ACOX2: variants seen among roughly 807,000 people sequenced by gnomAD.
ACOX2 encodes acyl-CoA oxidase 2, also known as peroxisomal acyl-coenzyme A oxidase 2.
In ACOX2, 59 loss-of-function variants were observed where a neutral mutation model predicts 77.5. The observed-to-expected ratio is 0.76, with a 90% CI of 0.62 to 0.95. The LOEUF is 0.95. Among genes scored for constraint, ACOX2 ranks in the 40% least tolerant of loss-of-function variants. The probability of loss-of-function intolerance (pLI) is 0.00; values close to 1 mark genes in which losing one functional copy is unlikely to be tolerated. For synonymous variants in ACOX2, 317 were observed against 340.1 expected, an observed-to-expected ratio of 0.93 and a Z score of 0.75; for missense variants, 837 against 880.4, an observed-to-expected ratio of 0.95 and a Z score of 0.62.
rs772189364 is a variant in ACOX2, at chr3:58,534,176, C to T, written c.324-31G>A. On this transcript the variant is annotated intron_variant, in intron 3 of 14. Coordinates refer to ENST00000302819, the MANE Select transcript of ACOX2 (RefSeq NM_003500.4). This position sits in a 1 kb window ranked among gnomAD's most constrained non-coding sequence, Gnocchi z 4.8. ...GGGGAGAGATGCTGTAGTTGAGTAG[C>T]TTATTGGAGACAGGGGCCCAGGTAC... 12 of 1,612,068 alleles carry T rather than the reference C, an allele frequency of 7.4e-6. No individual in the cohort carries two copies. Among genetic ancestry groups the T allele is most frequent in the Non-Finnish European group, 1.0e-5 (12 of 1,179,038 alleles).
At chr3:58,536,305 C>CT (rs1166655784) in intron 1 of ACOX2, among the ~76,000 whole-genome samples, 4 of 152,168 alleles carry the variant, frequency 2.6e-5, no homozygotes, top group Non-Finnish European at 5.9e-5. Context: ...CATTTCCTAG[C>CT]TTGCAGCAGG....
In ACOX2 at chr3:58,526,285, G is replaced by T. The variant is rs1408935823; in HGVS notation, c.1346+181C>A. On this transcript the variant is annotated intron_variant, in intron 10 of 14. Coordinates refer to ENST00000302819, the MANE Select transcript of ACOX2 (RefSeq NM_003500.4). This position sits in a 1 kb window ranked among gnomAD's most constrained non-coding sequence, Gnocchi z 4.3. ...GGAGGGGTCTGAGGCTGTGGTGGAG[G>T]TGAGAGAGGATGGTGGCCTAGAAGT... Among the ~76,000 whole-genome samples, 1 of 152,240 alleles carries T rather than the reference G, an allele frequency of 6.6e-6. No homozygotes were observed. Among genetic ancestry groups the T allele is most frequent in the African/African-American group, 2.4e-5 (1 of 41,460 alleles).
intron 13 of ACOX2, among the ~76,000 whole-genome samples, chr3:58,516,359 A>G (rs1024530241): frequency 2.0e-5 from 3 of 152,236 alleles, no homozygotes; most frequent in Admixed American, 1.3e-4. Flanking sequence ...CCCAGGGGCC[A>G]GACCTGAGAT....
At position 58,515,100 on chromosome 3, in the gene ACOX2, G is replaced by A. The variant is rs768012662; in HGVS notation, c.1850+2106C>T. ...GTGCAGTGGTACGATCTTGGCTCACGGCAGCCTCTGCCTCCCGGGTTCAAG... is the reference window on the plus strand; with the variant it reads ...GTGCAGTGGTACGATCTTGGCTCACAGCAGCCTCTGCCTCCCGGGTTCAAG... On this transcript the variant is annotated intron_variant, in intron 13 of 14. Coordinates refer to ENST00000302819, the MANE Select transcript of ACOX2 (RefSeq NM_003500.4). This position sits in a 1 kb window ranked among gnomAD's most constrained non-coding sequence, Gnocchi z 4.0. 2.6e-5 allele frequency among the ~76,000 whole-genome samples: 4 copies of A among 151,830 alleles called. No individual in the cohort carries two copies. The highest frequency in any genetic ancestry group is 2.1e-4 in the South Asian group (1 of 4,808).
At position 58,535,321 on chromosome 3, in the gene ACOX2, A is replaced by C; in HGVS notation, c.-91-124T>G. Reference sequence around the variant, plus strand: ...CTCCCCCTGTGGACACTGGCTGTGGACCAGGCACTGTGTGCATGGTAGGCA... The same window carrying C: ...CTCCCCCTGTGGACACTGGCTGTGGCCCAGGCACTGTGTGCATGGTAGGCA... On this transcript the variant is annotated intron_variant, in intron 1 of 14. Coordinates refer to ENST00000302819, the MANE Select transcript of ACOX2 (RefSeq NM_003500.4). This position sits in a 1 kb window ranked among gnomAD's most constrained non-coding sequence, Gnocchi z 4.8. 2 of 603,956 alleles carry C rather than the reference A, an allele frequency of 3.3e-6. No homozygotes were observed. Among genetic ancestry groups the C allele is most frequent in the South Asian group, 4.0e-5 (2 of 50,128 alleles). 37.4% of individuals were successfully genotyped at this position (603,956 alleles called of 1,614,324 possible).
intron 7 of ACOX2, 40 bp from the exon 8 acceptor site, chr3:58,530,678 C>T (rs974305030): frequency 5.0e-6 from 8 of 1,591,970 alleles, no homozygotes; most frequent in Non-Finnish European, 6.9e-6. Flanking sequence ...TGGGCCAAGG[C>T]TTCCCAGGAT....
intron 7 of ACOX2, 22 bp from the exon 8 acceptor site, chr3:58,530,660 A>G: frequency 6.2e-7 from 1 of 1,608,470 alleles, no homozygotes; most frequent in Non-Finnish European, 8.5e-7. Flanking sequence ...AAGGACGGGC[A>G]CAAGTTCTGG....
Position 58,522,923 on chromosome 3 carries a change from C to T in ACOX2, c.1527-322G>A, listed in dbSNP as rs1306664824. 4 of 294,598 alleles carry T rather than the reference C, an allele frequency of 1.4e-5. No individual in the cohort carries two copies. The highest frequency in any genetic ancestry group is 4.3e-5 in the African/African-American group (2 of 46,562). The allele number at this position is 294,598 out of a possible 1,614,324, so 18.2% of individuals were successfully genotyped here. A position where few individuals can be genotyped will look rare whatever the true frequency, so the allele number is the denominator to read the frequency against. On this transcript the variant is annotated intron_variant, in intron 11 of 14. Coordinates refer to ENST00000302819, the MANE Select transcript of ACOX2 (RefSeq NM_003500.4). This position sits in a 1 kb window ranked among gnomAD's most constrained non-coding sequence, Gnocchi z 4.3. ...CAGGGCCACAGGCCAGGAGCTGTCCCCTATTTCTAATGCAGATTCCAGCCT... is the reference window on the plus strand; with the variant it reads ...CAGGGCCACAGGCCAGGAGCTGTCCTCTATTTCTAATGCAGATTCCAGCCT...
Position 58,528,115 on chromosome 3 carries a change from AC to A in ACOX2, c.1155+678del, listed in dbSNP as rs1386937382. Among the ~76,000 whole-genome samples the A allele has an allele frequency of 6.6e-6, 1 of 152,134 alleles. No homozygotes were observed. Among genetic ancestry groups the A allele is most frequent in the Non-Finnish European group, 1.5e-5 (1 of 68,028 alleles). The stretch of plus-strand genomic sequence containing the variant: ...TGCTTTCAGATTTTGGTTCTTGAAG[AC>A]CCTGCCTATCTTTGGAGCTTTCAAG... On this transcript the variant is annotated intron_variant, in intron 9 of 14. Coordinates refer to ENST00000302819, the MANE Select transcript of ACOX2 (RefSeq NM_003500.4). The surrounding 1 kb of genome is among the most constrained non-coding windows in gnomAD (Gnocchi z 5.6).
Position 58,511,934 on chromosome 3 carries a change from T to C in ACOX2, c.1851-2909A>G, listed in dbSNP as rs1479467189. On this transcript the variant is annotated intron_variant, in intron 13 of 14. Transcript: ENST00000302819. ...AGCTCTTGCCACGGTTACTTCCTTA[T>C]TATCTTGCGAGGGTCTCAAGACTGA... Among the ~76,000 whole-genome samples the C allele has an allele frequency of 2.6e-5, 4 of 152,222 alleles. No individual in the cohort carries two copies. In the East Asian group the frequency reaches 7.7e-4, roughly 29 times the overall value.
In ACOX2 at chr3:58,531,927, G is replaced by A. The variant is rs2108010126; in HGVS notation, c.584-115C>T. 1.4e-6 allele frequency: 2 copies of A among 1,398,302 alleles called. No individual in the cohort carries two copies. Among genetic ancestry groups the A allele is most frequent in the East Asian group, 2.6e-5 (1 of 39,084 alleles). The allele number at this position is 1,398,302 out of a possible 1,614,324, so 86.6% of individuals were successfully genotyped here. On this transcript the variant is annotated intron_variant, in intron 5 of 14. Transcript: ENST00000302819. This position sits in a 1 kb window ranked among gnomAD's most constrained non-coding sequence, Gnocchi z 5.8. ...ATGGGTACCTCTGGGGCCCTGAAAA[G>A]TCACTGATCAAAGAGAGAGGGGATT...
In ACOX2 at chr3:58,524,235, G is replaced by T. The variant is rs1308917569; in HGVS notation, c.1526+191C>A. ...TGACCAGGATGGGGAAGTGACGGGG[G>T]TCCATGGCTGATGGGGGGGACATCC... On this transcript the variant is annotated intron_variant, in intron 11 of 14. Transcript: ENST00000302819. The surrounding 1 kb of genome is among the most constrained non-coding windows in gnomAD (Gnocchi z 5.5). Among the ~76,000 whole-genome samples, 2 of 152,214 alleles carry T rather than the reference G, an allele frequency of 1.3e-5. No individual in the cohort carries two copies. Among genetic ancestry groups the T allele is most frequent in the Non-Finnish European group, 2.9e-5 (2 of 68,044 alleles).
At chr3:58,527,522 T>A (rs1264184885) in intron 9 of ACOX2, among the ~76,000 whole-genome samples, 1 of 113,880 alleles carries the variant, frequency 8.8e-6, no homozygotes, top group East Asian at 2.5e-4. Context: ...GGTGACAGAG[T>A]GAGACTGTCT....
rs569971615 is a variant in ACOX2 at position 58,526,645 on chromosome 3, C to G, written c.1167G>C (p.Leu389=). The G allele has an allele frequency of 1.2e-6, 2 of 1,613,888 alleles. No homozygotes were observed. The highest frequency in any genetic ancestry group is 1.7e-5 in the Admixed American group (1 of 60,016). The change falls in exon 10 of 15, where the codon CTG becomes CTC. Residue 389 remains leucine (L), a synonymous_variant. Coordinates refer to ENST00000302819, the MANE Select transcript of ACOX2 (RefSeq NM_003500.4). This position sits in a 1 kb window ranked among gnomAD's most constrained non-coding sequence, Gnocchi z 4.3. ...ACATCATGGCCTTCATGCCCGTGCTCAGTGCGTGGAGCTGTGAGAACATGG... is the reference window on the plus strand; with the variant it reads ...ACATCATGGCCTTCATGCCCGTGCTGAGTGCGTGGAGCTGTGAGAACATGG... The part of the protein sequence containing the change: ...DFSFLPELHA[L]STGMKAMMSE...
In ACOX2 at chr3:58,505,306, C is replaced by T; in HGVS notation, c.1984-20G>A. 1 of 1,597,010 alleles carries T rather than the reference C, an allele frequency of 6.3e-7. No homozygotes were observed. The highest frequency in any genetic ancestry group is 1.1e-5 in the South Asian group (1 of 89,714). On this transcript the variant is annotated intron_variant, in intron 14 of 14. Coordinates refer to ENST00000302819, the MANE Select transcript of ACOX2 (RefSeq NM_003500.4). The surrounding 1 kb of genome is among the most constrained non-coding windows in gnomAD (Gnocchi z 4.4). ...GTTCTCCTGTTTGTAGAAAGAAACG[C>T]ATTATTAACACAGTACATTTCTGCC...
Position 58,534,687 on chromosome 3 carries a change from G to C in ACOX2, c.161-165C>G. 1 of 1,498,182 alleles carries C rather than the reference G, an allele frequency of 6.7e-7. No homozygotes were observed. Among genetic ancestry groups the C allele is most frequent in the Non-Finnish European group, 9.0e-7 (1 of 1,108,286 alleles). The allele number at this position is 1,498,182 out of a possible 1,614,324, so 92.8% of individuals were successfully genotyped here. Reference sequence around the variant, plus strand: ...CAAGGTGGGAAAGTGAATTGCCCAAGGTTACAAAGCTATGCAGTGGCAGAA... The same window carrying C: ...CAAGGTGGGAAAGTGAATTGCCCAACGTTACAAAGCTATGCAGTGGCAGAA... On this transcript the variant is annotated intron_variant, in intron 2 of 14. Transcript: ENST00000302819. The surrounding 1 kb of genome is among the most constrained non-coding windows in gnomAD (Gnocchi z 4.8).
rs752284595 is a variant in ACOX2 at position 58,526,644 on chromosome 3, T to G, written c.1168A>C (p.Ser390Arg). 1 of 1,613,986 alleles carries G rather than the reference T, an allele frequency of 6.2e-7. No individual in the cohort carries two copies. Among genetic ancestry groups the G allele is most frequent in the Admixed American group, 1.7e-5 (1 of 60,018 alleles). Reference protein sequence around the residue: ...FSFLPELHALSTGMKAMMSEF... With the variant: ...FSFLPELHALRTGMKAMMSEF... ...GACATCATGGCCTTCATGCCCGTGC[T>G]CAGTGCGTGGAGCTGTGAGAACATG... Residue 390 changes from serine to arginine, a missense_variant, in exon 10 of 15, where the codon AGC (serine) becomes CGC (arginine). Physicochemically the swap from Ser to Arg is moderately radical, Grantham distance 110 (BLOSUM62 -1). Transcript: ENST00000302819. This position sits in a 1 kb window ranked among gnomAD's most constrained non-coding sequence, Gnocchi z 4.3.
rs2063452683 is a variant in ACOX2 at position 58,533,043 on chromosome 3, G to A, written c.583+402C>T. 6.6e-6 allele frequency among the ~76,000 whole-genome samples: 1 copy of A among 152,164 alleles called. No individual in the cohort carries two copies. Among genetic ancestry groups the A allele is most frequent in the African/African-American group, 2.4e-5 (1 of 41,426 alleles). On this transcript the variant is annotated intron_variant, in intron 5 of 14. Coordinates refer to ENST00000302819, the MANE Select transcript of ACOX2 (RefSeq NM_003500.4). This position sits in a 1 kb window ranked among gnomAD's most constrained non-coding sequence, Gnocchi z 5.6. The stretch of plus-strand genomic sequence containing the variant: ...GGCAGGCAGGCGTATTCTTTCCACT[G>A]TGTCATCACAGGGCCTGTGCTCTGG...
rs779343821 is a variant in ACOX2, at chr3:58,517,231, A to C, written c.1825T>G (p.Tyr609Asp). 1.5e-5 allele frequency: 24 copies of C among 1,613,932 alleles called. No homozygotes were observed. Among genetic ancestry groups the C allele is most frequent in the Non-Finnish European group, 1.9e-5 (23 of 1,179,990 alleles). ...CGGATCAGGCGGAGCAGGTCCAGGT[A>C]GGCTGTTCTTGCCATGTCCACTTGG... The part of the protein sequence containing the change: ...GAQVDMARTA[Y>D]LDLLRLIRKD... Residue 609 changes from tyrosine (Y) to aspartate (D), a missense_variant, in exon 13 of 15, where the codon TAC (tyrosine) becomes GAC (aspartate). Physicochemically the swap from Tyr to Asp is radical, Grantham distance 160. Transcript: ENST00000302819.
Sources: allele counts gnomAD v4.1 joint callset (sites outside exome capture counted in the v4.1 genomes callset), GRCh38; gene constraint gnomAD v4.1.1; non-coding constraint Gnocchi (gnomAD v3.1); transcripts MANE v1.5; gene names NCBI Gene and HGNC (gene_info 2026-07-23, HGNC 2026-07-21).